The following NCAM2 variants were observed in gnomAD, a reference collection of about 807,000 sequenced individuals.
NCAM2 encodes neural cell adhesion molecule 2.
A neutral mutation model predicts 98.1 loss-of-function variants in NCAM2; 30 were observed. The observed-to-expected ratio is 0.31, with a 90% CI of 0.23 to 0.41. The LOEUF (loss-of-function observed/expected upper bound fraction) is 0.41, where lower values mean the gene tolerates loss of function less well. Among genes scored for constraint, NCAM2 ranks in the 10% least tolerant of loss-of-function variants. NCAM2 has a pLI of 1.00. For synonymous variants in NCAM2, 368 were observed against 342.4 expected (o/e 1.07, Z -0.83); for missense variants, 867 against 1,005.8 (o/e 0.86, Z 1.87).
At chr21:21,337,741 G>T (rs147340776) in intron 7 of NCAM2, among the ~76,000 whole-genome samples, 158 of 151,882 alleles carry the variant, frequency 1.0e-3, no homozygotes, top group Admixed American at 1.8e-3. Flanking sequence ...TTATACAATT[G>T]ATGATTAAAA....
intron 12 of NCAM2, among the ~76,000 whole-genome samples, chr21:21,445,419 T>C (rs1319760711): frequency 6.6e-6 from 1 of 152,176 alleles, no homozygotes; most frequent in Non-Finnish European, 1.5e-5. Context: ...ATTTGTCTAA[T>C]ATTGTCATTG....
At chr21:21,028,609 G>A (rs1297753567) in intron 1 of NCAM2, among the ~76,000 whole-genome samples, 2 of 152,188 alleles carry the variant, frequency 1.3e-5, no homozygotes, top group South Asian at 2.1e-4. Flanking sequence ...TGCAGCATAG[G>A]CCACCTTAAC....
rs2076974219 is a variant in NCAM2 at position 21,415,459 on chromosome 21, C to A, written c.1384-3014C>A. ...CACACCGTTCTCCTGCCTCAGCCTC[C>A]CGAGTAGCTGGGACTACAGGCGCCG... is the stretch of plus-strand genomic sequence containing the variant. On this transcript the variant is annotated intron_variant, in intron 10 of 17. Coordinates refer to ENST00000400546, the MANE Select transcript of NCAM2 (RefSeq NM_004540.5). Among the ~76,000 whole-genome samples the A allele has an allele frequency of 3.3e-5, 5 of 151,574 alleles. No individual in the cohort carries two copies. The South Asian group carries it at 1.0e-3, about 31-fold the overall frequency.
intron 1 of NCAM2, among the ~76,000 whole-genome samples, chr21:21,068,423 C>T (rs934280990): frequency 1.3e-5 from 2 of 151,034 alleles, no homozygotes; most frequent in Non-Finnish European, 2.9e-5. Context: ...CCTGAGCCAC[C>T]ACACAACAGT....
rs770758957 is a variant in NCAM2 at position 21,280,566 on chromosome 21, AT to A, written c.56-4del. The A allele has an allele frequency of 3.5e-5, 55 of 1,566,114 alleles. No individual in the cohort carries two copies. Among genetic ancestry groups the A allele is most frequent in the Admixed American group, 1.1e-4 (6 of 54,538 alleles). ...AAAAATCACCATTAATTGTTTCCCA[AT>A]TTTTTTTCAGCTCTTCTTCAAGTGA... On this transcript the variant is annotated splice_polypyrimidine_tract_variant and intron_variant, in intron 1 of 17. Coordinates refer to ENST00000400546, the MANE Select transcript of NCAM2 (RefSeq NM_004540.5).
At chr21:21,138,733 ATAAT>A in intron 1 of NCAM2, among the ~76,000 whole-genome samples, 1 of 152,218 alleles carries the variant, frequency 6.6e-6, no homozygotes, top group Non-Finnish European at 1.5e-5. Context: ...AATAGACTTA[ATAAT>A]TAAAACTGAG....
chr21:21,426,530 AG>A (rs1210576749), intron 11 of NCAM2, among the ~76,000 whole-genome samples: 1 of 152,170 alleles, frequency 6.6e-6, no homozygotes, highest in East Asian at 1.9e-4. Context: ...TCTACCTTCA[AG>A]GTCACAAAAT....
chr21:21,018,073 A>C (rs2064353531), intron 1 of NCAM2, among the ~76,000 whole-genome samples: 1 of 152,180 alleles, frequency 6.6e-6, no homozygotes, highest in Admixed American at 6.6e-5. Context: ...TAAGAAGCAA[A>C]TGTACTTCAT....
chr21:21,263,480 C>T (rs1216569551), intron 1 of NCAM2, among the ~76,000 whole-genome samples: 1 of 151,770 alleles, frequency 6.6e-6, no homozygotes, highest in East Asian at 1.9e-4. Flanking sequence ...ATAAAATTAC[C>T]ACCCAATTGT....
intron 1 of NCAM2, among the ~76,000 whole-genome samples, chr21:21,067,068 C>G (rs1458270066): frequency 6.6e-6 from 1 of 151,476 alleles, no homozygotes; most frequent in Non-Finnish European, 1.5e-5. Flanking sequence ...AAGAAAGGAG[C>G]TGTATGCATA....
At chr21:21,038,565 C>A (rs1362116555) in intron 1 of NCAM2, among the ~76,000 whole-genome samples, 1 of 152,150 alleles carries the variant, frequency 6.6e-6, no homozygotes, top group Non-Finnish European at 1.5e-5. Context: ...CCTTAATCCC[C>A]TTTTGCTCAG....
At chr21:21,091,898 C>T (rs1239670421) in intron 1 of NCAM2, among the ~76,000 whole-genome samples, 7 of 151,954 alleles carry the variant, frequency 4.6e-5, no homozygotes, top group Admixed American at 3.9e-4. Context: ...ATGTTCACAG[C>T]GACATCTTGA....
intron 8 of NCAM2, among the ~76,000 whole-genome samples, chr21:21,352,104 T>C (rs1194844613): frequency 2.0e-5 from 3 of 152,080 alleles, no homozygotes; most frequent in Non-Finnish European, 2.9e-5. Flanking sequence ...TCTTGCTTTG[T>C]CACACAGGCT....
intron 1 of NCAM2, among the ~76,000 whole-genome samples, chr21:21,060,587 C>T (rs1199658633): frequency 6.6e-6 from 1 of 152,022 alleles, no homozygotes; most frequent in Admixed American, 6.6e-5. Context: ...TTAAAATTGT[C>T]TATTATGATG....
intron 13 of NCAM2, 130 bp downstream of exon 13, chr21:21,466,855 C>A (rs1983745968): frequency 2.0e-6 from 2 of 984,012 alleles, no homozygotes; most frequent in Admixed American, 3.2e-5. Flanking sequence ...GAAGTGGTTT[C>A]TGAAGACAGT....
rs1314545526 is a variant in NCAM2 at position 21,071,035 on chromosome 21, T to G, written c.55+72417T>G. Among the ~76,000 whole-genome samples, 3 of 152,094 alleles carry G rather than the reference T, an allele frequency of 2.0e-5. No homozygotes were observed. In the East Asian group the frequency reaches 5.8e-4, roughly 29 times the overall value. On this transcript the variant is annotated intron_variant, in intron 1 of 17. Coordinates refer to ENST00000400546, the MANE Select transcript of NCAM2 (RefSeq NM_004540.5). ...CGTTTCTAAACTTAGTGAATTAAAT[T>G]GAGGGTTATTAAAGAGGAAATTTGA... is the stretch of plus-strand genomic sequence containing the variant.
intron 12 of NCAM2, among the ~76,000 whole-genome samples, chr21:21,448,664 A>G (rs1980564700): frequency 6.6e-6 from 1 of 152,042 alleles, no homozygotes; most frequent in South Asian, 2.1e-4. Flanking sequence ...TCTAACATAA[A>G]TGCCCAAAGA....
At chr21:21,498,084 T>A (rs1013458546) in intron 15 of NCAM2, among the ~76,000 whole-genome samples, 2 of 152,068 alleles carry the variant, frequency 1.3e-5, no homozygotes, top group African/African-American at 4.8e-5. Context: ...TTTTATAATT[T>A]ATTTATAGAT....
intron 1 of NCAM2, among the ~76,000 whole-genome samples, chr21:21,274,226 AG>A (rs1368761792): frequency 1.3e-5 from 2 of 152,140 alleles, no homozygotes; most frequent in Non-Finnish European, 2.9e-5. Flanking sequence ...ACCTAATAGC[AG>A]GGACATCTAT....
Sources: allele counts gnomAD v4.1 joint callset (sites outside exome capture counted in the v4.1 genomes callset), GRCh38; gene constraint gnomAD v4.1.1; transcripts MANE v1.5; gene names NCBI Gene and HGNC (gene_info 2026-07-23, HGNC 2026-07-21).